Variants in CTNNA2 observed in about 807,000 individuals in gnomAD.
CTNNA2 encodes catenin alpha 2.
A neutral mutation model predicts 101.0 loss-of-function variants in CTNNA2; 42 were observed. The observed-to-expected ratio is 0.42, with a 90% confidence interval of 0.32 to 0.54. The LOEUF is 0.54. Among genes scored for constraint, CTNNA2 ranks in the 20% least tolerant of loss-of-function variants. The pLI is 0.14. For missense variants in CTNNA2, 871 were observed against 1,223.1 expected (o/e 0.71, Z 4.29); for synonymous variants, 450 against 456.4 (o/e 0.99, Z 0.18).
At chr2:80,238,472 T>C (rs1045978061) in intron 7 of CTNNA2, among the ~76,000 whole-genome samples, 3 of 152,132 alleles carry the variant, frequency 2.0e-5, no homozygotes, top group African/African-American at 7.2e-5. Context: ...CTTTTTATTA[T>C]GAAGCTGGGA....
At chr2:79,202,025 T>C (rs1442786658) in intron 2 of CTNNA2, among the ~76,000 whole-genome samples, 1 of 152,108 alleles carries the variant, frequency 6.6e-6, no homozygotes, top group Non-Finnish European at 1.5e-5. Flanking sequence ...AGATTAGAAG[T>C]AGATAAGAGA....
intron 15 of CTNNA2, among the ~76,000 whole-genome samples, chr2:80,600,002 T>C (rs898739539): frequency 1.5e-4 from 22 of 150,500 alleles, no homozygotes; most frequent in Middle Eastern, 3.5e-3. Context: ...TTTCTCATGT[T>C]ATTTTTCTGG....
chr2:79,452,492 A>G (rs747217987), intron 4 of CTNNA2, among the ~76,000 whole-genome samples: 1 of 152,028 alleles, frequency 6.6e-6, no homozygotes, highest in Non-Finnish European at 1.5e-5. Context: ...TGTAATAAAA[A>G]TAATTATCTA....
intron 8 of CTNNA2, among the ~76,000 whole-genome samples, chr2:80,419,055 A>G (rs1221843383): frequency 6.6e-6 from 1 of 152,130 alleles, no homozygotes; most frequent in Admixed American, 6.5e-5. Flanking sequence ...CAAAGTTTAG[A>G]TCTTTATCTA....
In CTNNA2 at chr2:79,429,184, A is replaced by G. The variant is rs78339202; in HGVS notation, c.-135+55171A>G. Among the ~76,000 whole-genome samples the G allele has an allele frequency of 1.0e-2, 1,517 of 152,304 alleles. 24 individuals carry two copies. The highest frequency in any genetic ancestry group is 0.035 in the African/African-American group (1,443 of 41,584). Reference sequence around the variant, plus strand: ...CAAAGAATATTTCATTGTGTACACAATTAAAACAAAGTAACAATATGGGAT... The same window carrying G: ...CAAAGAATATTTCATTGTGTACACAGTTAAAACAAAGTAACAATATGGGAT... On this transcript the variant is annotated intron_variant, in intron 4 of 21. Transcript: ENST00000466387.
intron 1 of CTNNA2, among the ~76,000 whole-genome samples, chr2:79,563,268 G>C (rs1050075024): frequency 4.0e-5 from 6 of 150,756 alleles, no homozygotes; most frequent in Non-Finnish European, 8.8e-5. Context: ...ACATAAAAAA[G>C]TATTTATATA....
At chr2:79,244,034 T>C (rs1674667045) in intron 2 of CTNNA2, among the ~76,000 whole-genome samples, 1 of 152,158 alleles carries the variant, frequency 6.6e-6, no homozygotes, top group Non-Finnish European at 1.5e-5. Flanking sequence ...GAGGCACTAA[T>C]TTCACTGCTG....
intron 7 of CTNNA2, among the ~76,000 whole-genome samples, chr2:80,352,195 T>C (rs938827973): frequency 3.3e-5 from 5 of 152,150 alleles, no homozygotes; most frequent in Admixed American, 2.6e-4. Flanking sequence ...TTTAAAGCTA[T>C]TTCTCTGACA....
chr2:79,631,668 C>T (rs1573522492), intron 1 of CTNNA2, among the ~76,000 whole-genome samples: 1 of 152,156 alleles, frequency 6.6e-6, no homozygotes, highest in South Asian at 2.1e-4. Flanking sequence ...ATTTGCAACA[C>T]GAAGTTTAGA....
intron 7 of CTNNA2, among the ~76,000 whole-genome samples, chr2:80,079,762 C>T (rs567688600): frequency 3.8e-4 from 58 of 150,744 alleles, no homozygotes; most frequent in Non-Finnish European, 7.4e-4. Context: ...TGCAGTGAGC[C>T]GGGATTGCGC....
Position 80,454,885 on chromosome 2 carries a change from C to G in CTNNA2, c.1290+35284C>G, listed in dbSNP as rs77365163. 8.2e-3 allele frequency among the ~76,000 whole-genome samples: 1,244 copies of G among 152,328 alleles called. 14 individuals are homozygous for G. The highest frequency in any genetic ancestry group is 0.025 in the African/African-American group (1,030 of 41,576). ...GCTTCCCTCTCTGATGATGGGCTAG[C>G]CCGGGGAAGGCCCAGAGCCAAAGGT... On this transcript the variant is annotated intron_variant, in intron 9 of 18. Coordinates refer to ENST00000402739, the MANE Select transcript of CTNNA2 (RefSeq NM_001282597.3).
intron 7 of CTNNA2, among the ~76,000 whole-genome samples, chr2:79,982,404 C>CACAT (rs1691432542): frequency 7.1e-6 from 1 of 140,662 alleles, no homozygotes; most frequent in Non-Finnish European, 1.5e-5. Context: ...ACATATATAA[C>CACAT]ATATAACACA....
At chr2:79,906,841 A>G (rs898892832) in intron 6 of CTNNA2, among the ~76,000 whole-genome samples, 2 of 152,202 alleles carry the variant, frequency 1.3e-5, no homozygotes, top group African/African-American at 2.4e-5. Flanking sequence ...GAGCTCCCCA[A>G]AGCATTTCAT....
chr2:80,544,717 C>A (rs551978827), intron 9 of CTNNA2, among the ~76,000 whole-genome samples: 3 of 152,150 alleles, frequency 2.0e-5, no homozygotes, highest in Admixed American at 1.3e-4. Flanking sequence ...CAAGGCAGTT[C>A]ATAAGAAAAA....
chr2:79,540,836 G>C (rs1673363033), intron 1 of CTNNA2, among the ~76,000 whole-genome samples: 1 of 152,054 alleles, frequency 6.6e-6, no homozygotes, highest in African/African-American at 2.4e-5. Flanking sequence ...TGAGTACTTT[G>C]AAGTGTTGAT....
chr2:80,313,078 G>T (rs1276457846), intron 7 of CTNNA2, among the ~76,000 whole-genome samples: 1 of 152,152 alleles, frequency 6.6e-6, no homozygotes, highest in Admixed American at 6.5e-5. Flanking sequence ...ATAGACACAA[G>T]CCATTAGCCC....
In CTNNA2 at chr2:80,604,131, C is replaced by T. The variant is rs745517637; in HGVS notation, c.2247C>T (p.Ala749=). The T allele has an allele frequency of 5.7e-5, 92 of 1,612,956 alleles. No homozygotes were observed. Among genetic ancestry groups the T allele is most frequent in the East Asian group, 4.2e-4 (19 of 44,838 alleles). Residue 749 remains alanine (A), a synonymous_variant, in exon 16 of 19, where the codon GCC becomes GCT. Transcript: ENST00000402739. ...TCATTAATGCTGCCAAGAAAATTGC[C>T]GAAGCAGGTTCTCGAATGGACAAAT... ...SDVINAAKKI[A]EAGSRMDKLA...
At chr2:79,662,776 G>A (rs1682126203) in intron 2 of CTNNA2, among the ~76,000 whole-genome samples, 2 of 152,086 alleles carry the variant, frequency 1.3e-5, no homozygotes, top group Non-Finnish European at 2.9e-5. Context: ...GCCAGCACAA[G>A]CAATAAAAAA....
At chr2:80,310,350 G>A (rs1677449982) in intron 7 of CTNNA2, among the ~76,000 whole-genome samples, 1 of 152,234 alleles carries the variant, frequency 6.6e-6, no homozygotes, top group African/African-American at 2.4e-5. Context: ...ACAGCAGGCA[G>A]TGTAGAGCCT....
Sources: allele counts gnomAD v4.1 joint callset (sites outside exome capture counted in the v4.1 genomes callset), GRCh38; gene constraint gnomAD v4.1.1; transcripts MANE v1.5; gene names NCBI Gene and HGNC (gene_info 2026-07-23, HGNC 2026-07-21).